Variants in VPS36 observed in about 807,000 individuals in gnomAD.
VPS36 encodes vacuolar protein sorting 36 homolog, also known as vacuolar protein-sorting-associated protein 36.
In VPS36, 31 loss-of-function variants were observed where a neutral mutation model predicts 63.5. That is an observed-to-expected ratio of 0.49 (90% CI 0.37 to 0.66). VPS36 has a LOEUF of 0.66. VPS36 is among the 30% of genes least tolerant of loss of function. The pLI is 0.00. For missense variants in VPS36, 338 were observed against 463.7 expected (o/e 0.73, Z 2.49); for synonymous variants, 138 against 157.2 (o/e 0.88, Z 0.91).
rs1957967605 is a variant in VPS36 at position 52,413,709 on chromosome 13, C to T, written c.*2121G>A. ...GAAAACAAAAAAATAATAATTATAC[C>T]AGTGATAAGCACCAAGACAGAACTT... On this transcript the variant is annotated 3_prime_UTR_variant, in exon 14 of 14. Coordinates refer to ENST00000378060, the MANE Select transcript of VPS36 (RefSeq NM_016075.4). The T allele has an allele frequency of 6.6e-6, 1 of 152,258 alleles. No homozygotes were observed. The highest frequency in any genetic ancestry group is 2.4e-5 in the African/African-American group (1 of 41,266). 9.4% of individuals were successfully genotyped at this position (152,258 alleles called of 1,614,324 possible). A position where few individuals can be genotyped will look rare whatever the true frequency, so the allele number is the denominator to read the frequency against.
At chr13:52,424,868 A>G (rs1958083151) in intron 9 of VPS36, among the ~76,000 whole-genome samples, 2 of 151,922 alleles carry the variant, frequency 1.3e-5, no homozygotes, top group Admixed American at 1.3e-4. Context: ...GGCGCCTGTA[A>G]TCCCAGCTAC....
intron 11 of VPS36, 127 bp from the exon 12 acceptor site, chr13:52,417,268 T>G (rs963719161): frequency 1.2e-5 from 8 of 690,668 alleles, no homozygotes; most frequent in Non-Finnish European, 2.0e-5. Context: ...AAACAACATT[T>G]AAAACATATC....
intron 1 of VPS36, among the ~76,000 whole-genome samples, chr13:52,447,813 C>T (rs1267960929): frequency 2.0e-5 from 3 of 148,510 alleles, no homozygotes; most frequent in Middle Eastern, 3.6e-3. Flanking sequence ...GACAGAATCT[C>T]GCTCTGTTGC....
At position 52,442,921 on chromosome 13, in the gene VPS36, A is replaced by G. The variant is rs139425016; in HGVS notation, c.97-476T>C. Among the ~76,000 whole-genome samples the G allele has an allele frequency of 4.3e-4, 65 of 152,082 alleles. No individual in the cohort carries two copies. In the East Asian group the frequency reaches 8.1e-3, roughly 19 times the overall value. On this transcript the variant is annotated intron_variant, in intron 1 of 13. Transcript: ENST00000378060. ...AGTGTGAGGAAAGGGGTAGAAGGGAAGCAAAGAGCTCTTTTGTACCTCTAC... is the reference window on the plus strand; with the variant it reads ...AGTGTGAGGAAAGGGGTAGAAGGGAGGCAAAGAGCTCTTTTGTACCTCTAC...
chr13:52,439,003 G>T, intron 3 of VPS36, 95 bp downstream of exon 3: 1 of 1,058,780 alleles, frequency 9.4e-7, no homozygotes. Context: ...CTTTAAGAAT[G>T]GATTCGTACA....
chr13:52,434,652 C>T (rs1390934315), intron 5 of VPS36, 141 bp downstream of exon 5: 8 of 861,620 alleles, frequency 9.3e-6, no homozygotes, highest in Admixed American at 4.8e-5. Context: ...GCCACCGCGC[C>T]CTACCGAAAA....
intron 6 of VPS36, among the ~76,000 whole-genome samples, chr13:52,430,070 A>C (rs1415098612): frequency 6.6e-6 from 1 of 152,208 alleles, no homozygotes; most frequent in Non-Finnish European, 1.5e-5. Context: ...ATGAAGGGTC[A>C]ATATAAATCA....
At position 52,417,100 on chromosome 13, in the gene VPS36, T is replaced by C; in HGVS notation, c.947A>G (p.Gln316Arg). The change falls in exon 12 of 14, where the codon CAG becomes CGG. Residue 316 changes from glutamine to arginine, a missense_variant. Physicochemically the swap from Gln to Arg is conservative, Grantham distance 43 (BLOSUM62 1). Coordinates refer to ENST00000378060, the MANE Select transcript of VPS36 (RefSeq NM_016075.4). ...CACCATTTCCTCTTCCTTGTGAGAC[T>C]GAAGCTCAATTACCATGACGCCACT... is the stretch of plus-strand genomic sequence containing the variant. ...FDSGVMVIEL[Q>R]SHKEEEMVAS... The C allele has an allele frequency of 6.2e-7, 1 of 1,614,094 alleles. No individual in the cohort carries two copies. The highest frequency in any genetic ancestry group is 8.5e-7 in the Non-Finnish European group (1 of 1,180,010).
At chr13:52,447,593 G>A (rs1787663851) in intron 1 of VPS36, among the ~76,000 whole-genome samples, 2 of 152,172 alleles carry the variant, frequency 1.3e-5, no homozygotes, top group Admixed American at 1.3e-4. Flanking sequence ...AGAGGCACTT[G>A]GGCGTGGGAA....
At chr13:52,439,255 G>T in intron 2 of VPS36, 87 bp from the exon 3 acceptor site, 1 of 990,394 alleles carries the variant, frequency 1.0e-6, no homozygotes, top group Non-Finnish European at 1.5e-6. Flanking sequence ...GCATTACAGT[G>T]CCATATGCCT....
intron 1 of VPS36, 27 bp from the exon 2 acceptor site, chr13:52,442,472 T>A (rs1414552889): frequency 6.3e-7 from 1 of 1,592,772 alleles, no homozygotes; most frequent in East Asian, 2.2e-5. Context: ...TCACAAAATA[T>A]TAATAACATA....
At chr13:52,433,919 C>T (rs1958186011) in intron 5 of VPS36, among the ~76,000 whole-genome samples, 171 bp from the exon 6 acceptor site, 1 of 152,166 alleles carries the variant, frequency 6.6e-6, no homozygotes, top group Non-Finnish European at 1.5e-5. Flanking sequence ...TTGTTTCTTG[C>T]TGTACATAAT....
chr13:52,442,940 C>G (rs891823586), intron 1 of VPS36, among the ~76,000 whole-genome samples: 2 of 152,126 alleles, frequency 1.3e-5, no homozygotes, highest in African/African-American at 4.8e-5. Context: ...CTCTTTTGTA[C>G]CTCTACACTT....
chr13:52,424,415 C>T (rs1055055466), intron 9 of VPS36, among the ~76,000 whole-genome samples: 9 of 151,854 alleles, frequency 5.9e-5, no homozygotes, highest in African/African-American at 2.2e-4. Context: ...GATGGAAGTA[C>T]ACAACAGCCT....
At position 52,417,902 on chromosome 13, in the gene VPS36, C is replaced by T. The variant is rs368400947; in HGVS notation, c.905+90G>A. On this transcript the variant is annotated intron_variant, in intron 11 of 13. Transcript: ENST00000378060. ...TCAAGAGAAATAATCTGGCTTGACACTAGGGATGGCAAACTTGGCTGGGCT... is the reference window on the plus strand; with the variant it reads ...TCAAGAGAAATAATCTGGCTTGACATTAGGGATGGCAAACTTGGCTGGGCT... The T allele has an allele frequency of 8.1e-5, 86 of 1,062,922 alleles. 1 individual carries two copies. In the East Asian group the frequency reaches 1.8e-3, roughly 23 times the overall value. The allele number at this position is 1,062,922 out of a possible 1,614,324, so 65.8% of individuals were successfully genotyped here.
chr13:52,427,582 G>A lies in VPS36; in HGVS notation c.529-363C>T, dbSNP rs865898528. On this transcript the variant is annotated intron_variant, in intron 6 of 13. Coordinates refer to ENST00000378060, the MANE Select transcript of VPS36 (RefSeq NM_016075.4). The stretch of plus-strand genomic sequence containing the variant: ...AGATCGCGCCACTGCGCTCCAGCCT[G>A]GGCGACAAAGCAAGATTCTGTCTCA... Among the ~76,000 whole-genome samples the A allele has an allele frequency of 3.6e-3, 551 of 151,772 alleles. 3 individuals are homozygous for A. The highest frequency in any genetic ancestry group is 0.013 in the African/African-American group (523 of 41,400).
intron 6 of VPS36, 147 bp from the exon 7 acceptor site, chr13:52,427,366 G>A (rs1205619048): frequency 2.8e-6 from 2 of 725,340 alleles, no homozygotes; most frequent in Non-Finnish European, 4.5e-6. Context: ...AGCACTCTGG[G>A]AGGCCGAGGC....
intron 6 of VPS36, among the ~76,000 whole-genome samples, chr13:52,428,847 T>A (rs1958128892): frequency 6.6e-6 from 1 of 151,726 alleles, no homozygotes; most frequent in African/African-American, 2.4e-5. Context: ...AAGCTGAGAG[T>A]CCACAAAGAA....
At chr13:52,423,966 T>C (rs1452600700) in intron 9 of VPS36, among the ~76,000 whole-genome samples, 1 of 152,168 alleles carries the variant, frequency 6.6e-6, no homozygotes, top group Non-Finnish European at 1.5e-5. Context: ...CAAGCAATTC[T>C]CCTGCCTCAG....
Sources: allele counts gnomAD v4.1 joint callset (sites outside exome capture counted in the v4.1 genomes callset), GRCh38; gene constraint gnomAD v4.1.1; transcripts MANE v1.5; gene names NCBI Gene and HGNC (gene_info 2026-07-23, HGNC 2026-07-21).